Variants in STMN2 observed in about 807,000 individuals in gnomAD.
The protein encoded by STMN2 is stathmin 2, also known as stathmin-2.
In STMN2, 2 loss-of-function variants were observed where a neutral mutation model predicts 24.1. The ratio of observed to expected loss-of-function variants is 0.08; its 90% CI spans 0.03 to 0.26. STMN2 has a LOEUF of 0.26. STMN2 is among the 10% of genes least tolerant of loss of function. The pLI is 1.00. For missense variants in STMN2, 114 were observed against 213.6 expected (o/e 0.53, Z 2.91); for synonymous variants, 83 against 77.5 (o/e 1.07, Z -0.37).
intron 1 of STMN2, among the ~76,000 whole-genome samples, chr8:79,630,737 G>T (rs1809779175): frequency 6.6e-6 from 1 of 152,142 alleles, no homozygotes; most frequent in Non-Finnish European, 1.5e-5. Context: ...CAGCTTAGAA[G>T]ATTGCAGGAA....
At chr8:79,638,873 T>C (rs182968433) in intron 2 of STMN2, among the ~76,000 whole-genome samples, 1 of 152,298 alleles carries the variant, frequency 6.6e-6, no homozygotes, top group Admixed American at 6.5e-5. Context: ...AAATAAGCTG[T>C]TTTTATTTGC....
intron 1 of STMN2, among the ~76,000 whole-genome samples, chr8:79,616,946 C>T (rs534735285): frequency 4.5e-4 from 69 of 152,158 alleles, no homozygotes; most frequent in Middle Eastern, 3.4e-3. Flanking sequence ...AATGTGAATG[C>T]GGCTTGTGGC....
intron 2 of STMN2, among the ~76,000 whole-genome samples, chr8:79,639,642 A>C (rs1287809065): frequency 6.6e-6 from 1 of 152,226 alleles, no homozygotes; most frequent in Non-Finnish European, 1.5e-5. Context: ...TAATCTGCTT[A>C]TCTTTAATAC....
intron 1 of STMN2, among the ~76,000 whole-genome samples, chr8:79,622,065 G>A (rs1007980795): frequency 1.8e-4 from 27 of 152,144 alleles, no homozygotes; most frequent in Admixed American, 1.3e-3. Flanking sequence ...AAAGTCCTTA[G>A]GTCAGTAACT....
At position 79,665,450 on chromosome 8, in the gene STMN2, A is replaced by G. The variant is rs1433232826; in HGVS notation, c.*576A>G. 1 of 154,438 alleles carries G rather than the reference A, an allele frequency of 6.5e-6. No individual in the cohort carries two copies. Among genetic ancestry groups the G allele is most frequent in the Non-Finnish European group, 1.5e-5 (1 of 68,232 alleles). 9.6% of individuals were successfully genotyped at this position (154,438 alleles called of 1,614,324 possible). ...AAACTACAAAACCAGGCTAAGAAAT[A>G]CCACCAGTCATAGCATTTACTTCTG... On this transcript the variant is annotated 3_prime_UTR_variant, in exon 5 of 5. Transcript: ENST00000220876.
intron 3 of STMN2, 57 bp downstream of exon 3, chr8:79,641,607 C>G: frequency 7.4e-7 from 1 of 1,349,374 alleles, no homozygotes; most frequent in Non-Finnish European, 1.0e-6. Flanking sequence ...CTCCCTCTCA[C>G]ACACTCGGGC....
In STMN2 at chr8:79,636,689, T is replaced by C. The variant is rs16907016; in HGVS notation, c.20-113T>C. On this transcript the variant is annotated intron_variant, in intron 1 of 4. Coordinates refer to ENST00000220876, the MANE Select transcript of STMN2 (RefSeq NM_007029.4). ...TTTAGTGAAAGAATGCAAAGGAGTC[T>C]ACCTGGCAATATTCACTCTGCAGGA... 3,305 of 923,052 alleles carry C rather than the reference T, an allele frequency of 3.6e-3. 79 individuals carry two copies. The African/African-American group carries it at 0.049, about 14-fold the overall frequency. The allele number at this position is 923,052 out of a possible 1,614,324, so 57.2% of individuals were successfully genotyped here.
rs995643015 is a variant in STMN2 at position 79,641,634 on chromosome 8, A to G, written c.288+84A>G. ...CACTCGGGCACACATGCACGCACAC[A>G]CACACACACACACACACACACACAC... is the stretch of plus-strand genomic sequence containing the variant. On this transcript the variant is annotated intron_variant, in intron 3 of 4. Coordinates refer to ENST00000220876, the MANE Select transcript of STMN2 (RefSeq NM_007029.4). The G allele has an allele frequency of 3.5e-3, 1,267 of 363,516 alleles. 9 individuals are homozygous for G. The African/African-American group carries it at 0.037, about 10-fold the overall frequency. 22.5% of individuals were successfully genotyped at this position (363,516 alleles called of 1,614,324 possible).
chr8:79,642,922 T>C (rs1261132583), intron 3 of STMN2, among the ~76,000 whole-genome samples: 1 of 148,668 alleles, frequency 6.7e-6, no homozygotes, highest in African/African-American at 2.4e-5. Flanking sequence ...TGGTAATTGG[T>C]ATATAGAGAT....
chr8:79,611,168 C>A lies in STMN2; in HGVS notation c.-28C>A. ...CTGTAGCCGGACCCTTTGCCTTCGC[C>A]ACTGCTCAGCGTCTGCACATCCCTA... On this transcript the variant is annotated 5_prime_UTR_variant, in exon 1 of 5. Transcript: ENST00000220876. 1 of 1,614,016 alleles carries A rather than the reference C, an allele frequency of 6.2e-7. No homozygotes were observed. Among genetic ancestry groups the A allele is most frequent in the Non-Finnish European group, 8.5e-7 (1 of 1,180,012 alleles).
At chr8:79,612,143 C>T (rs940199889) in intron 1 of STMN2, among the ~76,000 whole-genome samples, 7 of 151,386 alleles carry the variant, frequency 4.6e-5, no homozygotes, top group African/African-American at 1.7e-4. Flanking sequence ...CCCAGGAGCC[C>T]AACCCTGCGG....
chr8:79,621,994 T>G (rs938000838), intron 1 of STMN2, among the ~76,000 whole-genome samples: 3 of 152,164 alleles, frequency 2.0e-5, no homozygotes, highest in African/African-American at 4.8e-5. Context: ...CAGCTTGTCT[T>G]GGAACTCAAA....
Position 79,663,138 on chromosome 8 carries a change from C to CAA in STMN2, c.481-1676_481-1675dup, listed in dbSNP as rs1232295087. Reference sequence around the variant, plus strand: ...TCTAGAGTCAACTTCCTGCTTACTCCAACTCTGTATCTTTGAAGGAAGTAT... The same window carrying CAA: ...TCTAGAGTCAACTTCCTGCTTACTCCAAAACTCTGTATCTTTGAAGGAAGTAT... On this transcript the variant is annotated intron_variant, in intron 4 of 4. Transcript: ENST00000220876. Among the ~76,000 whole-genome samples the CAA allele has an allele frequency of 3.3e-5, 5 of 152,156 alleles. No individual in the cohort carries two copies. In the East Asian group the frequency reaches 9.6e-4, roughly 29 times the overall value.
At chr8:79,642,196 TTC>T (rs1810115742) in intron 3 of STMN2, among the ~76,000 whole-genome samples, 2 of 152,228 alleles carry the variant, frequency 1.3e-5, no homozygotes, top group Admixed American at 6.5e-5. Flanking sequence ...ATGGGGATTT[TTC>T]TCTTTTTGCC....
chr8:79,628,469 T>G (rs769229426), intron 1 of STMN2, among the ~76,000 whole-genome samples: 5 of 152,142 alleles, frequency 3.3e-5, no homozygotes, highest in Non-Finnish European at 7.4e-5. Flanking sequence ...CTGTTTTTAA[T>G]TTTTTGAGGA....
intron 3 of STMN2, among the ~76,000 whole-genome samples, chr8:79,650,421 C>T (rs965828457): frequency 1.3e-5 from 2 of 152,142 alleles, no homozygotes; most frequent in African/African-American, 4.8e-5. Context: ...AATGCTGCCA[C>T]TTTTGTATGT....
intron 1 of STMN2, among the ~76,000 whole-genome samples, chr8:79,634,384 A>G (rs1809889343): frequency 6.6e-6 from 1 of 152,256 alleles, no homozygotes. Flanking sequence ...TCAACAAAAT[A>G]TCTCAGAATG....
chr8:79,634,272 A>G (rs900337099), intron 1 of STMN2, among the ~76,000 whole-genome samples: 15 of 152,206 alleles, frequency 9.9e-5, no homozygotes, highest in African/African-American at 3.6e-4. Flanking sequence ...CTCCATATAA[A>G]TCTGGATCTG....
At chr8:79,663,675 T>C in intron 4 of STMN2, 1 of 1,498,222 alleles carries the variant, frequency 6.7e-7, no homozygotes, top group Non-Finnish European at 8.9e-7. Flanking sequence ...AGCAACATTC[T>C]ACAGAAATAT....
Sources: gnomAD v4.1 joint callset for allele counts (sites outside exome capture counted in the v4.1 genomes callset) on GRCh38, gnomAD v4.1.1 for gene constraint, MANE v1.5 for transcripts, NCBI Gene and HGNC (gene_info 2026-07-23, HGNC 2026-07-21) for gene names.